CACNA2D1: variants seen among roughly 807,000 people sequenced by gnomAD.
The protein encoded by CACNA2D1 is calcium voltage-gated channel auxiliary subunit alpha2delta 1.
A neutral mutation model predicts 171.5 loss-of-function variants in CACNA2D1; 53 were observed. The ratio of observed to expected loss-of-function variants is 0.31; its 90% confidence interval spans 0.25 to 0.39. The LOEUF is 0.39. Among genes scored for constraint, CACNA2D1 ranks in the 10% least tolerant of loss-of-function variants. The pLI, the probability that CACNA2D1 is intolerant of heterozygous loss-of-function variation, is 1.00. For synonymous variants in CACNA2D1, 442 were observed against 443.1 expected, an observed-to-expected ratio of 1.00 and a Z score of 0.03; for missense variants, 903 against 1,299.8, an observed-to-expected ratio of 0.69 and a Z score of 4.69.
intron 3 of CACNA2D1, among the ~76,000 whole-genome samples, chr7:82,247,390 G>A (rs1358933281): frequency 6.6e-6 from 1 of 151,780 alleles, no homozygotes; most frequent in Non-Finnish European, 1.5e-5. Context: ...TGCATCTGTA[G>A]CCCCAGCTAC....
chr7:82,260,410 G>A (rs1363084012), intron 3 of CACNA2D1, among the ~76,000 whole-genome samples: 1 of 152,082 alleles, frequency 6.6e-6, no homozygotes, highest in Non-Finnish European at 1.5e-5. Flanking sequence ...GCAAAAACAA[G>A]TTGTTTACTA....
chr7:82,115,815 A>G (rs1382538462), intron 6 of CACNA2D1, among the ~76,000 whole-genome samples: 1 of 152,120 alleles, frequency 6.6e-6, no homozygotes, highest in Non-Finnish European at 1.5e-5. Context: ...ACTGTAAATA[A>G]TAACAACAAC....
intron 3 of CACNA2D1, among the ~76,000 whole-genome samples, chr7:82,234,329 A>C (rs1418911356): frequency 6.6e-6 from 1 of 152,152 alleles, no homozygotes; most frequent in African/African-American, 2.4e-5. Flanking sequence ...GATTATTTAT[A>C]ATTAAGATTC....
At chr7:82,129,057 A>C (rs1790663449) in intron 5 of CACNA2D1, among the ~76,000 whole-genome samples, 1 of 152,168 alleles carries the variant, frequency 6.6e-6, no homozygotes, top group Admixed American at 6.5e-5. Flanking sequence ...TGGCCTTACT[A>C]TATATGTAAC....
Position 82,326,942 on chromosome 7 carries a change from T to C in CACNA2D1, c.294+8193A>G, listed in dbSNP as rs75234467. On this transcript the variant is annotated intron_variant, in intron 3 of 38. Transcript: ENST00000356860. ...TAGATGGATTCAACAGTCTTTTTCA[T>C]TCTATTAAGTTTGTGCAAAAGTAAT... Among the ~76,000 whole-genome samples, 833 of 152,358 alleles carry C rather than the reference T, an allele frequency of 5.5e-3. 14 individuals carry two copies. The highest frequency in any genetic ancestry group is 0.019 in the African/African-American group (796 of 41,582).
chr7:81,961,331 A>AGT (rs1794089746), intron 36 of CACNA2D1, among the ~76,000 whole-genome samples: 1 of 151,914 alleles, frequency 6.6e-6, no homozygotes, highest in South Asian at 2.1e-4. Context: ...ATACTGACTA[A>AGT]CATTAACCAT....
At chr7:81,951,011 C>T (rs1349537564) in intron 38 of CACNA2D1, among the ~76,000 whole-genome samples, 1 of 151,918 alleles carries the variant, frequency 6.6e-6, no homozygotes, top group African/African-American at 2.4e-5. Context: ...GCATCTGGAC[C>T]TTCATCAAGA....
chr7:82,375,703 G>A (rs1321657342), intron 1 of CACNA2D1, among the ~76,000 whole-genome samples: 1 of 152,148 alleles, frequency 6.6e-6, no homozygotes, highest in African/African-American at 2.4e-5. Context: ...AGATTTTTGA[G>A]GGCAAGGCAC....
chr7:82,439,307 G>A (rs1830324915), intron 1 of CACNA2D1, among the ~76,000 whole-genome samples: 1 of 151,810 alleles, frequency 6.6e-6, no homozygotes, highest in Admixed American at 6.6e-5. Context: ...CATATGTTAT[G>A]TTTTTGTAAA....
intron 3 of CACNA2D1, among the ~76,000 whole-genome samples, chr7:82,311,262 A>C (rs1387528017): frequency 1.3e-5 from 2 of 152,078 alleles, no homozygotes; most frequent in African/African-American, 4.8e-5. Context: ...TATGTCTTCA[A>C]GGAGGTTCAT....
intron 7 of CACNA2D1, among the ~76,000 whole-genome samples, chr7:82,077,883 G>T (rs775702894): frequency 5.3e-5 from 8 of 151,792 alleles, no homozygotes; most frequent in Non-Finnish European, 5.9e-5. Context: ...TAGATCGAAC[G>T]CTTCATTTAT....
At chr7:82,175,165 C>A (rs1331861601) in intron 3 of CACNA2D1, among the ~76,000 whole-genome samples, 1 of 151,690 alleles carries the variant, frequency 6.6e-6, no homozygotes, top group Non-Finnish European at 1.5e-5. Context: ...GAGAAATTTT[C>A]TTTTGATAGC....
chr7:82,313,739 G>A lies in CACNA2D1; in HGVS notation c.294+21396C>T, dbSNP rs1054211318. 3.9e-5 allele frequency among the ~76,000 whole-genome samples: 6 copies of A among 151,994 alleles called. No homozygotes were observed. The South Asian group carries it at 6.2e-4, about 16-fold the overall frequency. The stretch of plus-strand genomic sequence containing the variant: ...TTCTCCTTTCAATGTACCTTTTGTC[G>A]GTTTTCAGCATACCTTTAGAGGGCA... On this transcript the variant is annotated intron_variant, in intron 3 of 38. Coordinates refer to ENST00000356860, the MANE Select transcript of CACNA2D1 (RefSeq NM_000722.4).
At chr7:82,355,554 G>A (rs1465471359) in intron 1 of CACNA2D1, among the ~76,000 whole-genome samples, 8 of 152,208 alleles carry the variant, frequency 5.3e-5, no homozygotes, top group South Asian at 2.1e-4. Context: ...CAGAGTTTCC[G>A]TATGCAGTCA....
intron 1 of CACNA2D1, among the ~76,000 whole-genome samples, chr7:82,425,713 A>T (rs1013209873): frequency 1.3e-5 from 2 of 151,332 alleles, no homozygotes; most frequent in Non-Finnish European, 2.9e-5. Context: ...TTTAATTTTC[A>T]GTAAAGGGAG....
intron 3 of CACNA2D1, among the ~76,000 whole-genome samples, chr7:82,195,554 G>A (rs1028195840): frequency 1.3e-5 from 2 of 151,672 alleles, no homozygotes; most frequent in Non-Finnish European, 2.9e-5. Context: ...GAATATTGTA[G>A]GGACAAATAA....
At chr7:82,433,169 C>T (rs183540259) in intron 1 of CACNA2D1, among the ~76,000 whole-genome samples, 2 of 149,574 alleles carry the variant, frequency 1.3e-5, no homozygotes, top group Admixed American at 1.3e-4. Flanking sequence ...GCCTGAGTGA[C>T]ACAGTGAGAC....
intron 18 of CACNA2D1, among the ~76,000 whole-genome samples, chr7:81,999,790 T>C (rs1798403709): frequency 1.3e-5 from 2 of 152,138 alleles, no homozygotes; most frequent in African/African-American, 4.8e-5. Flanking sequence ...CAATTTACTA[T>C]ATCAAGAAAG....
chr7:82,378,519 T>C (rs1179054888), intron 1 of CACNA2D1, among the ~76,000 whole-genome samples: 1 of 152,196 alleles, frequency 6.6e-6, no homozygotes, highest in Non-Finnish European at 1.5e-5. Flanking sequence ...AAATTATATT[T>C]TGTTATTGTT....
Sources: gnomAD v4.1 joint callset for allele counts (sites outside exome capture counted in the v4.1 genomes callset) on GRCh38, gnomAD v4.1.1 for gene constraint, MANE v1.5 for transcripts, NCBI Gene and HGNC (gene_info 2026-07-23, HGNC 2026-07-21) for gene names.